Variants in CMSS1 observed in about 807,000 individuals in gnomAD.
CMSS1 encodes the protein protein CMSS1.
In CMSS1, 33 loss-of-function variants were observed where a neutral mutation model predicts 43.5. The ratio of observed to expected loss-of-function variants is 0.76; its 90% CI spans 0.57 to 1.01. The LOEUF (loss-of-function observed/expected upper bound fraction) is 1.01. CMSS1 is among the 50% of genes least tolerant of loss of function. CMSS1 has a pLI of 0.00. For synonymous variants in CMSS1, 115 were observed against 117.2 expected, an observed-to-expected ratio of 0.98 and a Z score of 0.12; for missense variants, 313 against 326.4, an observed-to-expected ratio of 0.96 and a Z score of 0.32.
intron 1 of CMSS1, among the ~76,000 whole-genome samples, chr3:99,974,182 A>G (rs1470877147): frequency 2.6e-5 from 4 of 152,214 alleles, no homozygotes. Context: ...TTTCCATTGG[A>G]TAACATGGAG....
intron 1 of CMSS1, among the ~76,000 whole-genome samples, chr3:99,984,670 C>T (rs567734177): frequency 6.6e-6 from 1 of 152,222 alleles, no homozygotes; most frequent in Non-Finnish European, 1.5e-5. Context: ...TCCTCTCTGG[C>T]CAATTACTTT....
intron 1 of CMSS1, among the ~76,000 whole-genome samples, chr3:99,978,843 C>G (rs984238484): frequency 6.6e-6 from 1 of 151,912 alleles, no homozygotes; most frequent in African/African-American, 2.4e-5. Context: ...TGAGATTACA[C>G]CACTGCACTC....
At chr3:99,925,753 G>T in intron 1 of CMSS1, 3 of 550,880 alleles carry the variant, frequency 5.4e-6, no homozygotes, top group Non-Finnish European at 4.6e-6. Context: ...AAGTGCACTT[G>T]GTGGAAGTGG....
intron 1 of CMSS1, among the ~76,000 whole-genome samples, chr3:99,918,953 A>G (rs999206867): frequency 6.6e-6 from 1 of 152,262 alleles, no homozygotes; most frequent in Non-Finnish European, 1.5e-5. Context: ...CTTGCCAGAA[A>G]AACTGAAAGG....
chr3:99,859,403 G>T (rs1345525769), intron 1 of CMSS1, among the ~76,000 whole-genome samples: 5 of 152,236 alleles, frequency 3.3e-5, no homozygotes, highest in Admixed American at 6.5e-5. Flanking sequence ...TTGAAACAGT[G>T]TAACAGTCAC....
At chr3:99,927,344 A>G (rs1016999644) in intron 1 of CMSS1, among the ~76,000 whole-genome samples, 2 of 151,766 alleles carry the variant, frequency 1.3e-5, no homozygotes, top group African/African-American at 4.8e-5. Flanking sequence ...GCCTTGGTAA[A>G]TCCAAAATGT....
At chr3:99,930,778 T>C in intron 1 of CMSS1, 1 of 1,613,284 alleles carries the variant, frequency 6.2e-7, no homozygotes, top group Non-Finnish European at 8.5e-7. Context: ...CCTGCAGTTC[T>C]CCCTCCAGAA....
chr3:99,911,361 A>G (rs1215872867), intron 1 of CMSS1, among the ~76,000 whole-genome samples: 1 of 150,212 alleles, frequency 6.7e-6, no homozygotes, highest in Non-Finnish European at 1.5e-5. Context: ...AATAATAAGT[A>G]TTATTATTGT....
At chr3:99,914,708 C>T (rs1460369575) in intron 1 of CMSS1, among the ~76,000 whole-genome samples, 1 of 152,104 alleles carries the variant, frequency 6.6e-6, no homozygotes, top group African/African-American at 2.4e-5. Context: ...AGCAATTTCA[C>T]ATATAAGAAT....
Position 99,991,862 on chromosome 3 carries a change from G to GTATA in CMSS1, c.65-155104_65-155101dup, listed in dbSNP as rs778476697. Among the ~76,000 whole-genome samples the GTATA allele has an allele frequency of 5.4e-3, 804 of 147,586 alleles. 3 individuals are homozygous for GTATA. Among genetic ancestry groups the GTATA allele is most frequent in the Non-Finnish European group, 8.4e-3 (562 of 66,780 alleles). On this transcript the variant is annotated intron_variant, in intron 1 of 9. Transcript: ENST00000421999. ...TGTGTGTGTGTGTGTGTGTGTATGT[G>GTATA]TATATATATACACACATATATGTAT...
chr3:99,996,507 A>G (rs1451506284), intron 1 of CMSS1, among the ~76,000 whole-genome samples: 1 of 152,174 alleles, frequency 6.6e-6, no homozygotes, highest in Admixed American at 6.5e-5. Context: ...ATTTTCGGGT[A>G]TCTTTTCAGC....
At chr3:100,091,300 A>AAAG (rs2066104408) in intron 1 of CMSS1, among the ~76,000 whole-genome samples, 1 of 151,986 alleles carries the variant, frequency 6.6e-6, no homozygotes, top group African/African-American at 2.4e-5. Context: ...AAAAAAAAAA[A>AAAG]AAGAAAAAAG....
chr3:99,929,791 C>T, intron 1 of CMSS1: 1 of 1,209,444 alleles, frequency 8.3e-7, no homozygotes, highest in Non-Finnish European at 1.2e-6. Flanking sequence ...AGTTACAGAT[C>T]ATGCTCATCT....
intron 1 of CMSS1, among the ~76,000 whole-genome samples, chr3:99,945,501 C>A (rs1260747937): frequency 1.3e-5 from 2 of 152,118 alleles, no homozygotes; most frequent in Non-Finnish European, 2.9e-5. Flanking sequence ...CTGCTAGGAA[C>A]TGTAAGTAAA....
chr3:99,997,820 T>C (rs1709726732), intron 1 of CMSS1, among the ~76,000 whole-genome samples: 1 of 152,194 alleles, frequency 6.6e-6, no homozygotes, highest in South Asian at 2.1e-4. Context: ...ATACCAAATA[T>C]CTGGCAATTT....
intron 1 of CMSS1, among the ~76,000 whole-genome samples, chr3:100,099,676 T>C (rs2066271828): frequency 6.6e-6 from 1 of 152,192 alleles, no homozygotes; most frequent in Non-Finnish European, 1.5e-5. Flanking sequence ...TACCATGTTA[T>C]TCATTCCATA....
At chr3:100,057,104 A>G (rs1553709976) in intron 1 of CMSS1, among the ~76,000 whole-genome samples, 1 of 152,188 alleles carries the variant, frequency 6.6e-6, no homozygotes, top group Non-Finnish European at 1.5e-5. Context: ...TTTTAATGGA[A>G]AGTCCTGGAC....
intron 1 of CMSS1, among the ~76,000 whole-genome samples, chr3:99,994,248 A>G (rs975900576): frequency 7.2e-5 from 11 of 152,230 alleles, no homozygotes; most frequent in Non-Finnish European, 1.5e-4. Context: ...AAAGATTACT[A>G]GACCTAAAGA....
intron 1 of CMSS1, chr3:99,850,958 A>C (rs769550074): frequency 6.2e-6 from 10 of 1,614,080 alleles, no homozygotes; most frequent in Non-Finnish European, 8.5e-6. Flanking sequence ...ACCACCATCA[A>C]AGCAAAAGAC....
Sources: allele counts gnomAD v4.1 joint callset (sites outside exome capture counted in the v4.1 genomes callset), GRCh38; gene constraint gnomAD v4.1.1; transcripts MANE v1.5; gene names NCBI Gene and HGNC (gene_info 2026-07-23, HGNC 2026-07-21).